Variants in PRKN observed in about 807,000 individuals in gnomAD.
The protein encoded by PRKN is E3 ubiquitin-protein ligase parkin.
Under a neutral mutation model 59.5 loss-of-function variants are expected in PRKN, and 56 were observed. The observed-to-expected ratio is 0.94, with a 90% CI of 0.76 to 1.18. The LOEUF is 1.18. PRKN is among the 50% of genes most tolerant of loss of function. The probability of loss-of-function intolerance (pLI) is 0.00; values close to 1 mark genes in which losing one functional copy is unlikely to be tolerated. For synonymous variants in PRKN, 250 were observed against 222.1 expected, an observed-to-expected ratio of 1.13 and a Z score of -1.12; for missense variants, 657 against 596.4, an observed-to-expected ratio of 1.10 and a Z score of -1.06.
intron 5 of PRKN, among the ~76,000 whole-genome samples, chr6:162,018,813 T>C (rs1314083317): frequency 1.3e-5 from 2 of 152,196 alleles, no homozygotes; most frequent in South Asian, 2.1e-4. Flanking sequence ...ATAATGAGAT[T>C]ACTATGTAAT....
intron 7 of PRKN, among the ~76,000 whole-genome samples, chr6:161,699,327 T>C (rs1244261087): frequency 6.6e-6 from 1 of 152,136 alleles, no homozygotes; most frequent in African/African-American, 2.4e-5. Flanking sequence ...AATGGCCCAG[T>C]TATTCCACTC....
rs897575959 is a variant in PRKN, at chr6:162,377,455, C to T, written c.171+65855G>A. On this transcript the variant is annotated intron_variant, in intron 2 of 11. Transcript: ENST00000366898. ...TTGGCTGCCTTCTTGAGTGCCCTGA[C>T]GGGGGCCACTCCTTTTGTCTCTTTC... is the stretch of plus-strand genomic sequence containing the variant. Among the ~76,000 whole-genome samples, 15 of 152,316 alleles carry T rather than the reference C, an allele frequency of 9.8e-5. No homozygotes were observed. The East Asian group carries it at 1.7e-3, about 18-fold the overall frequency.
In PRKN at chr6:161,393,675, C is replaced by T. The variant is rs1786615763; in HGVS notation, c.1084-6798G>A. ...TGCAATCGGAATATTCCAGTGGCTG[C>T]TGATCAATCAGGTTGAGAGCCAGTA... On this transcript the variant is annotated intron_variant, in intron 9 of 11. Coordinates refer to ENST00000366898, the MANE Select transcript of PRKN (RefSeq NM_004562.3). The surrounding 1 kb of genome is among the most constrained non-coding windows in gnomAD (Gnocchi z 4.7). Among the ~76,000 whole-genome samples, 1 of 152,062 alleles carries T rather than the reference C, an allele frequency of 6.6e-6. No individual in the cohort carries two copies.
At chr6:161,663,168 G>C (rs1308664885) in intron 7 of PRKN, among the ~76,000 whole-genome samples, 2 of 152,214 alleles carry the variant, frequency 1.3e-5, no homozygotes, top group Non-Finnish European at 2.9e-5. Flanking sequence ...GTGGAACTGT[G>C]AGTCCATTAT....
In PRKN at chr6:161,352,544, T is replaced by G. The variant is rs1562388416; in HGVS notation, c.1286-2333A>C. 6.6e-6 allele frequency among the ~76,000 whole-genome samples: 1 copy of G among 151,720 alleles called. No individual in the cohort carries two copies. Among genetic ancestry groups the G allele is most frequent in the African/African-American group, 2.4e-5 (1 of 41,374 alleles). On this transcript the variant is annotated intron_variant, in intron 11 of 11. Transcript: ENST00000366898. This position sits in a 1 kb window ranked among gnomAD's most constrained non-coding sequence, Gnocchi z 5.8. ...GTTTCTCTAAAATATCATAAATATT[T>G]TATCATATCATAAATATATCATTAT...
rs1259302587 is a variant in PRKN at position 162,201,223 on chromosome 6, C to A, written c.442G>T (p.Val148Leu). Residue 148 changes from valine to leucine, a missense_variant, in exon 4 of 12, where the codon GTG becomes TTG. Transcript: ENST00000366898. ...CTTTGACAGGGGCCTTTGCAATACA[C>A]ATAAAAGCTGTTGTAGATTGATCTA... is the stretch of plus-strand genomic sequence containing the variant. ...AGRSIYNSFY[V>L]YCKGPCQRVQ... 1 of 1,613,836 alleles carries A rather than the reference C, an allele frequency of 6.2e-7. No individual in the cohort carries two copies. The highest frequency in any genetic ancestry group is 8.5e-7 in the Non-Finnish European group (1 of 1,179,862).
intron 7 of PRKN, among the ~76,000 whole-genome samples, chr6:161,777,502 A>G (rs1789975010): frequency 6.6e-6 from 1 of 151,838 alleles, no homozygotes; most frequent in Non-Finnish European, 1.5e-5. Context: ...ATGGAAACAG[A>G]AAAGAACATC....
chr6:162,245,175 G>A (rs535888182), intron 3 of PRKN, among the ~76,000 whole-genome samples: 1 of 152,120 alleles, frequency 6.6e-6, no homozygotes, highest in African/African-American at 2.4e-5. Flanking sequence ...TCAATGCGAT[G>A]TAGGTTTATT....
rs962537393 is a variant in PRKN at position 161,445,149 on chromosome 6, C to T, written c.1084-58272G>A. ...TTGACGTGCTCAGCCTCTCCAAAGC[C>T]GCGGCGCTGACACAGCTCCCCCTGC... On this transcript the variant is annotated intron_variant, in intron 9 of 11. Transcript: ENST00000366898. This position sits in a 1 kb window ranked among gnomAD's most constrained non-coding sequence, Gnocchi z 7.7. 2.6e-5 allele frequency among the ~76,000 whole-genome samples: 4 copies of T among 152,128 alleles called. No homozygotes were observed. Among genetic ancestry groups the T allele is most frequent in the African/African-American group, 7.2e-5 (3 of 41,426 alleles).
At chr6:161,532,052 GA>G (rs1247475862) in intron 9 of PRKN, among the ~76,000 whole-genome samples, 1 of 151,596 alleles carries the variant, frequency 6.6e-6, no homozygotes, top group African/African-American at 2.4e-5. Context: ...ACTCTTCCCT[GA>G]AACAAAAAAC....
chr6:162,195,149 G>T (rs1399465007), intron 4 of PRKN, among the ~76,000 whole-genome samples: 2 of 152,208 alleles, frequency 1.3e-5, no homozygotes, highest in African/African-American at 4.8e-5. Context: ...AATGCATGGT[G>T]GCCGGTTCCA....
chr6:162,257,377 T>C (rs2128098478), intron 3 of PRKN, among the ~76,000 whole-genome samples: 1 of 152,280 alleles, frequency 6.6e-6, no homozygotes, highest in African/African-American at 2.4e-5. Context: ...TCTGACTACT[T>C]GGCTGAAATC....
intron 4 of PRKN, among the ~76,000 whole-genome samples, chr6:162,107,117 C>T (rs781411111): frequency 3.3e-5 from 5 of 152,158 alleles, no homozygotes; most frequent in Non-Finnish European, 7.3e-5. Context: ...CAGTTTCTCA[C>T]AACCCCCATC....
In PRKN at chr6:161,488,994, C is replaced by T. The variant is rs560091723; in HGVS notation, c.1083+59860G>A. 2.6e-5 allele frequency among the ~76,000 whole-genome samples: 4 copies of T among 152,174 alleles called. No homozygotes were observed. The highest frequency in any genetic ancestry group is 6.5e-5 in the Admixed American group (1 of 15,272). The stretch of plus-strand genomic sequence containing the variant: ...CTACTGTGATGACATTTCTCAGGAA[C>T]GAGGCGACTAGAAGAAAAACATGAA... On this transcript the variant is annotated intron_variant, in intron 9 of 11. Transcript: ENST00000366898. The surrounding 1 kb of genome is among the most constrained non-coding windows in gnomAD (Gnocchi z 4.5).
At position 162,068,679 on chromosome 6, in the gene PRKN, C is replaced by T. The variant is rs144898291; in HGVS notation, c.535-14505G>A. On this transcript the variant is annotated intron_variant, in intron 4 of 11. Coordinates refer to ENST00000366898, the MANE Select transcript of PRKN (RefSeq NM_004562.3). ...AAGTCAACAAGGAGAGGGTCTGCTC[C>T]AGTCTCCACTGAATCCATCATAAGT... is the stretch of plus-strand genomic sequence containing the variant. Among the ~76,000 whole-genome samples the T allele has an allele frequency of 1.6e-3, 250 of 152,296 alleles. 1 individual carries two copies. Among genetic ancestry groups the T allele is most frequent in the African/African-American group, 5.7e-3 (238 of 41,576 alleles).
intron 1 of PRKN, among the ~76,000 whole-genome samples, chr6:162,461,499 C>CGAAAAAA (rs1791165827): frequency 2.7e-5 from 1 of 36,516 alleles, no homozygotes; most frequent in Non-Finnish European, 4.6e-5. Context: ...TAAAGTGTCT[C>CGAAAAAA]AAAAAAAAAA....
chr6:161,493,038 T>TATA (rs1777616973), intron 9 of PRKN, among the ~76,000 whole-genome samples: 1 of 152,328 alleles, frequency 6.6e-6, no homozygotes, highest in Admixed American at 6.5e-5. Context: ...ACATAACCGT[T>TATA]AAATTCTAGT....
chr6:161,850,634 G>A (rs1023602915), intron 6 of PRKN, among the ~76,000 whole-genome samples: 6 of 145,424 alleles, frequency 4.1e-5, no homozygotes, highest in Non-Finnish European at 9.0e-5. Context: ...TTTTTTTCTT[G>A]TTTGTCTTTA....
intron 8 of PRKN, among the ~76,000 whole-genome samples, chr6:161,555,605 T>G (rs1562523743): frequency 6.6e-6 from 1 of 152,184 alleles, no homozygotes. Flanking sequence ...TTTTCTCTTC[T>G]ATTTTGAGCA....
Sources: gnomAD v4.1 joint callset for allele counts (sites outside exome capture counted in the v4.1 genomes callset) on GRCh38, gnomAD v4.1.1 for gene constraint, Gnocchi (gnomAD v3.1) non-coding constraint, MANE v1.5 for transcripts, NCBI Gene and HGNC (gene_info 2026-07-23, HGNC 2026-07-21) for gene names.